The following MTHFD1L variants were observed in gnomAD, a reference collection of about 807,000 sequenced individuals.
MTHFD1L encodes methylenetetrahydrofolate dehydrogenase (NADP+ dependent) 1 like, also known as monofunctional C1-tetrahydrofolate synthase, mitochondrial.
MTHFD1L carries 81 observed loss-of-function variants against 119.5 expected under a neutral mutation model. That is an observed-to-expected ratio of 0.68 (90% CI 0.57 to 0.82). MTHFD1L has a LOEUF of 0.82. Ranked by LOEUF, MTHFD1L falls within the 40% of genes least tolerant of loss-of-function variation. The pLI, the probability that MTHFD1L is intolerant of heterozygous loss-of-function variation, is 0.00. For missense variants in MTHFD1L, 1,125 were observed against 1,253.4 expected, an observed-to-expected ratio of 0.90 and a Z score of 1.55; for synonymous variants, 430 against 475.2, an observed-to-expected ratio of 0.90 and a Z score of 1.24.
In MTHFD1L at chr6:150,871,230, G is replaced by A. The variant is rs1779434657; in HGVS notation, c.228-4860G>A. Among the ~76,000 whole-genome samples the A allele has an allele frequency of 3.4e-5, 5 of 148,096 alleles. No homozygotes were observed. In the Admixed American group the frequency reaches 3.4e-4, roughly 10 times the overall value. The stretch of plus-strand genomic sequence containing the variant: ...TACCAAGAAATGCCAGTGATCTGGT[G>A]GAGGATTTGCCTAGATGTTGATGGT... On this transcript the variant is annotated intron_variant, in intron 1 of 27. Coordinates refer to ENST00000367321, the MANE Select transcript of MTHFD1L (RefSeq NM_015440.5).
At chr6:150,922,137 A>G in intron 9 of MTHFD1L, 68 bp from the exon 10 acceptor site, 5 of 1,102,334 alleles carry the variant, frequency 4.5e-6, no homozygotes, top group South Asian at 1.4e-5. Context: ...CAATATTTCC[A>G]TGGTTTAAGT....
chr6:151,026,315 C>T (rs562835696), intron 24 of MTHFD1L, among the ~76,000 whole-genome samples: 2 of 152,160 alleles, frequency 1.3e-5, no homozygotes, highest in Admixed American at 1.3e-4. Context: ...CTGCTCTGTG[C>T]GAGAGACTGT....
rs1485642021 is a variant in MTHFD1L at position 151,043,304 on chromosome 6, G to A, written c.2847+6187G>A. Among the ~76,000 whole-genome samples the A allele has an allele frequency of 1.9e-4, 21 of 113,470 alleles. No individual in the cohort carries two copies. In the South Asian group the frequency reaches 3.4e-3, roughly 18 times the overall value. 74.4% of individuals were successfully genotyped at this position (113,470 alleles called of 152,430 possible). A position where few individuals can be genotyped will look rare whatever the true frequency, so the allele number is the denominator to read the frequency against. Reference sequence around the variant, plus strand: ...TTTTGAGACAGAGTATTGCTCTGTCGCCCAGGCTGGAGTGCAGTAGCATGA... The same window carrying A: ...TTTTGAGACAGAGTATTGCTCTGTCACCCAGGCTGGAGTGCAGTAGCATGA... On this transcript the variant is annotated intron_variant, in intron 26 of 27. Transcript: ENST00000367321.
intron 19 of MTHFD1L, among the ~76,000 whole-genome samples, chr6:150,971,607 A>G (rs1317342458): frequency 6.6e-6 from 1 of 152,228 alleles, no homozygotes; most frequent in Non-Finnish European, 1.5e-5. Context: ...CTTTTAAAAA[A>G]ATATAGTGCA....
At chr6:150,869,112 A>G (rs1778956005) in intron 1 of MTHFD1L, among the ~76,000 whole-genome samples, 1 of 152,148 alleles carries the variant, frequency 6.6e-6, no homozygotes, top group South Asian at 2.1e-4. Flanking sequence ...TTTTTAGACA[A>G]TGCTTTTGCA....
At chr6:150,971,799 A>C (rs943877425) in intron 19 of MTHFD1L, 148 bp from the exon 20 acceptor site, 2 of 618,404 alleles carry the variant, frequency 3.2e-6, no homozygotes, top group Non-Finnish European at 5.7e-6. Flanking sequence ...TGATTGAGTC[A>C]GGGTGTTTTG....
Position 150,865,788 on chromosome 6 carries a change from G to A in MTHFD1L, c.-35G>A. 1 of 1,285,606 alleles carries A rather than the reference G, an allele frequency of 7.8e-7. No individual in the cohort carries two copies. The highest frequency in any genetic ancestry group is 1.7e-5 in the South Asian group (1 of 57,798). 79.6% of individuals were successfully genotyped at this position (1,285,606 alleles called of 1,614,324 possible). On this transcript the variant is annotated 5_prime_UTR_variant, in exon 1 of 28. Transcript: ENST00000367321. ...CGCCCCGCCGCCCTCGGCAGCCGCA[G>A]CTCCGTGTCCCCTGAGAACCAGCCG... is the stretch of plus-strand genomic sequence containing the variant.
chr6:151,090,914 G>GCATCGCTCCATGCGACTGGGTGCAA (rs1794332531), intron 26 of MTHFD1L, among the ~76,000 whole-genome samples: 1 of 140,092 alleles, frequency 7.1e-6, no homozygotes, highest in African/African-American at 2.8e-5. Flanking sequence ...ACTGGGTGCA[G>GCATCGCTCCATGCGACTGGGTGCAA]CATCGTTCCA....
chr6:151,009,273 G>A (rs1584103051), intron 20 of MTHFD1L, among the ~76,000 whole-genome samples: 2 of 152,098 alleles, frequency 1.3e-5, no homozygotes, highest in East Asian at 3.9e-4. Context: ...TTGGCTCAAC[G>A]CCTGTAATCC....
rs199608451 is a variant in MTHFD1L at position 150,943,378 on chromosome 6, C to T, written c.1441-1108C>T. 2.0e-5 allele frequency among the ~76,000 whole-genome samples: 3 copies of T among 152,246 alleles called. No individual in the cohort carries two copies. The East Asian group carries it at 5.8e-4, about 29-fold the overall frequency. ...GGGCGTGGTGGCTCATGCCTGGAATCCTAGCACTTTGCGGGGCTGAAGCGA... is the reference window on the plus strand; with the variant it reads ...GGGCGTGGTGGCTCATGCCTGGAATTCTAGCACTTTGCGGGGCTGAAGCGA... On this transcript the variant is annotated intron_variant, in intron 13 of 27. Transcript: ENST00000367321.
At chr6:151,052,593 G>A (rs1029579926) in intron 26 of MTHFD1L, among the ~76,000 whole-genome samples, 4 of 152,204 alleles carry the variant, frequency 2.6e-5, no homozygotes, top group East Asian at 1.9e-4. Context: ...ACTCCAGAGC[G>A]CCTTAGAGGC....
chr6:150,994,061 C>CA (rs1779397514), intron 20 of MTHFD1L, among the ~76,000 whole-genome samples: 2 of 36,166 alleles, frequency 5.5e-5, no homozygotes, highest in Non-Finnish European at 8.9e-5. Flanking sequence ...ATAACAACAA[C>CA]AGTAAAAAAA....
At chr6:150,898,279 G>A (rs531165799) in intron 7 of MTHFD1L, among the ~76,000 whole-genome samples, 18 of 152,250 alleles carry the variant, frequency 1.2e-4, no homozygotes, top group African/African-American at 3.6e-4. Context: ...CAAACTGGAT[G>A]TTATACTCAC....
At chr6:151,028,983 A>G (rs2128519422) in intron 24 of MTHFD1L, among the ~76,000 whole-genome samples, 1 of 152,258 alleles carries the variant, frequency 6.6e-6, no homozygotes, top group South Asian at 2.1e-4. Context: ...AGGTAAGAGG[A>G]TCACTTGAGC....
At chr6:150,964,332 A>G (rs1349990728) in intron 18 of MTHFD1L, among the ~76,000 whole-genome samples, 1 of 152,198 alleles carries the variant, frequency 6.6e-6, no homozygotes, top group Admixed American at 6.5e-5. Context: ...AAGGAACTCA[A>G]CCCAGTACTT....
intron 9 of MTHFD1L, among the ~76,000 whole-genome samples, chr6:150,921,879 G>A (rs1048490879): frequency 4.6e-5 from 7 of 152,180 alleles, no homozygotes; most frequent in African/African-American, 1.7e-4. Context: ...CTAATAGTCT[G>A]CAAGGGAACT....
intron 7 of MTHFD1L, among the ~76,000 whole-genome samples, chr6:150,893,311 C>A (rs1305936039): frequency 6.6e-6 from 1 of 152,148 alleles, no homozygotes; most frequent in Non-Finnish European, 1.5e-5. Context: ...GTGATCCACC[C>A]ACATGGCCCT....
At chr6:151,072,527 C>T (rs999234348) in intron 26 of MTHFD1L, among the ~76,000 whole-genome samples, 7 of 152,072 alleles carry the variant, frequency 4.6e-5, no homozygotes, top group South Asian at 2.1e-4. Flanking sequence ...TGGTGGCTCA[C>T]ACCTGGAATC....
rs113707030 is a variant in MTHFD1L at position 150,901,964 on chromosome 6, C to CT, written c.781-3675dup. 2.8e-3 allele frequency among the ~76,000 whole-genome samples: 406 copies of CT among 146,464 alleles called. 4 individuals are homozygous for CT. The highest frequency in any genetic ancestry group is 0.016 in the East Asian group (79 of 5,072). On this transcript the variant is annotated intron_variant, in intron 7 of 27. Transcript: ENST00000367321. ...TAAACCACAATTCTTTAGAAAATATCTTTTTTTTTTTACCCATTCTGGATT... is the reference window on the plus strand; with the variant it reads ...TAAACCACAATTCTTTAGAAAATATCTTTTTTTTTTTTACCCATTCTGGATT...
Sources: allele counts gnomAD v4.1 joint callset (sites outside exome capture counted in the v4.1 genomes callset), GRCh38; gene constraint gnomAD v4.1.1; transcripts MANE v1.5; gene names NCBI Gene and HGNC (gene_info 2026-07-23, HGNC 2026-07-21).